GPR155: variants seen among roughly 807,000 people sequenced by gnomAD.
GPR155 encodes lysosomal cholesterol signaling protein.
GPR155 carries 65 observed loss-of-function variants against 93.1 expected under a neutral mutation model. That is an observed-to-expected ratio of 0.70 (90% CI 0.57 to 0.86). GPR155 has a LOEUF of 0.86. Ranked by LOEUF, GPR155 falls within the 40% of genes least tolerant of loss-of-function variation. The pLI, the probability that GPR155 is intolerant of heterozygous loss-of-function variation, is 0.00. For synonymous variants in GPR155, 319 were observed against 360.1 expected (o/e 0.89, Z 1.29); for missense variants, 838 against 1,034.8 (o/e 0.81, Z 2.61).
Position 174,468,968 on chromosome 2 carries a change from C to T in GPR155, c.1126G>A (p.Ala376Thr), listed in dbSNP as rs781044328. Residue 376 changes from alanine to threonine, a missense_variant, in exon 5 of 16, where the codon GCA becomes ACA. By Grantham distance (58) the Ala-to-Thr change is moderately conservative. Coordinates refer to ENST00000392552, the MANE Select transcript of GPR155 (RefSeq NM_152529.7). ...TFPTMDPKPL[A>T]YAIQNVSFDI... ...AAACTAACATTCTGGATGGCATATG[C>T]CAATGGCTTAGGGTCCATAGTGGGA... 2 of 1,613,858 alleles carry T rather than the reference C, an allele frequency of 1.2e-6. No homozygotes were observed. The highest frequency in any genetic ancestry group is 3.3e-5 in the Admixed American group (2 of 59,998).
chr2:174,467,107 A>G (rs1687859436), intron 5 of GPR155, among the ~76,000 whole-genome samples: 1 of 152,170 alleles, frequency 6.6e-6, no homozygotes, highest in South Asian at 2.1e-4. Flanking sequence ...CAGTGAGCCA[A>G]GATTGCACCA....
intron 9 of GPR155, 128 bp from the exon 10 acceptor site, chr2:174,460,216 A>G: frequency 3.4e-6 from 2 of 594,012 alleles, no homozygotes; most frequent in South Asian, 2.1e-5. Flanking sequence ...GCTGGAGTGC[A>G]GTGACACAAT....
chr2:174,432,751 C>G lies in GPR155; in HGVS notation c.*3365G>C, dbSNP rs914625110. 6.9e-6 allele frequency: 1 copy of G among 144,570 alleles called. No homozygotes were observed. Among genetic ancestry groups the G allele is most frequent in the Admixed American group, 7.3e-5 (1 of 13,668 alleles). The allele number at this position is 144,570 out of a possible 1,614,324, so 9.0% of individuals were successfully genotyped here. On this transcript the variant is annotated 3_prime_UTR_variant, in exon 16 of 16. Coordinates refer to ENST00000392552, the MANE Select transcript of GPR155 (RefSeq NM_152529.7). ...ATTTGTTATTAATAAATATACTAGG[C>G]TTCCATGCAGGTTTTTTTTTTTTTT... is the stretch of plus-strand genomic sequence containing the variant.
chr2:174,432,845 G>A lies in GPR155; in HGVS notation c.*3271C>T, dbSNP rs1296786852. 1 of 141,494 alleles carries A rather than the reference G, an allele frequency of 7.1e-6. No homozygotes were observed. The highest frequency in any genetic ancestry group is 2.6e-5 in the African/African-American group (1 of 37,952). 8.8% of individuals were successfully genotyped at this position (141,494 alleles called of 1,614,324 possible). A position where few individuals can be genotyped will look rare whatever the true frequency, so the allele number is the denominator to read the frequency against. On this transcript the variant is annotated 3_prime_UTR_variant, in exon 16 of 16. Coordinates refer to ENST00000392552, the MANE Select transcript of GPR155 (RefSeq NM_152529.7). ...GTGGCGCGATCTTGGTTCACTGCAA[G>A]CTCCGCCTTCCGGGTTCATGCCATT...
At chr2:174,470,301 T>TA (rs1265724804) in intron 4 of GPR155, 89 bp downstream of exon 4, 4 of 1,113,874 alleles carry the variant, frequency 3.6e-6, no homozygotes, top group Non-Finnish European at 5.0e-6. Flanking sequence ...TTTTCATTTT[T>TA]AAAAAAGAAT....
intron 13 of GPR155, 89 bp from the exon 14 acceptor site, chr2:174,442,272 T>G: frequency 1.3e-6 from 1 of 746,358 alleles, no homozygotes; most frequent in South Asian, 1.5e-5. Context: ...ATTTAGTGTT[T>G]GAGGAGACAA....
chr2:174,450,206 G>C (rs943537818), intron 11 of GPR155, among the ~76,000 whole-genome samples: 2 of 151,468 alleles, frequency 1.3e-5, no homozygotes, highest in Admixed American at 6.6e-5. Flanking sequence ...ATAATCCTAA[G>C]TGAATTAACA....
At chr2:174,438,662 C>G (rs1238713528) in intron 15 of GPR155, among the ~76,000 whole-genome samples, 1 of 152,094 alleles carries the variant, frequency 6.6e-6, no homozygotes, top group Non-Finnish European at 1.5e-5. Flanking sequence ...CGCCCGCCAA[C>G]ACACCCGGCT....
Position 174,480,857 on chromosome 2 carries a change from C to T in GPR155, c.460+640G>A, listed in dbSNP as rs1295419323. ...TAATATTGACCCACTGCAACCTCTG[C>T]CTCCTGGGCTCAAGCAATCCTCCTG... On this transcript the variant is annotated intron_variant, in intron 2 of 15. Transcript: ENST00000392552. 3.3e-5 allele frequency among the ~76,000 whole-genome samples: 5 copies of T among 152,188 alleles called. No individual in the cohort carries two copies. In the East Asian group the frequency reaches 9.6e-4, roughly 29 times the overall value.
chr2:174,442,284 C>G, intron 13 of GPR155, 101 bp from the exon 14 acceptor site: 1 of 680,004 alleles, frequency 1.5e-6, no homozygotes, highest in Non-Finnish European at 2.7e-6. Context: ...AGGAGACAAA[C>G]CTATAGTGAC....
chr2:174,437,172 A>G (rs750863572), intron 15 of GPR155, among the ~76,000 whole-genome samples: 7 of 152,230 alleles, frequency 4.6e-5, no homozygotes, highest in Non-Finnish European at 7.3e-5. Context: ...AAAAAATCCA[A>G]TTACACGAGT....
chr2:174,463,782 C>A (rs923354324), intron 7 of GPR155, among the ~76,000 whole-genome samples: 1 of 152,164 alleles, frequency 6.6e-6, no homozygotes, highest in African/African-American at 2.4e-5. Flanking sequence ...TGAATAGAAT[C>A]TGTGAATTTG....
rs1166093935 is a variant in GPR155, at chr2:174,432,684, C to G, written c.*3432G>C. Reference sequence around the variant, plus strand: ...AAACATCCCCATTCCCTAATCACAACTTAAAATTGGTATAGGTTAATAGTA... The same window carrying G: ...AAACATCCCCATTCCCTAATCACAAGTTAAAATTGGTATAGGTTAATAGTA... On this transcript the variant is annotated 3_prime_UTR_variant, in exon 16 of 16. Coordinates refer to ENST00000392552, the MANE Select transcript of GPR155 (RefSeq NM_152529.7). 2 of 151,142 alleles carry G rather than the reference C, an allele frequency of 1.3e-5. No individual in the cohort carries two copies. Among genetic ancestry groups the G allele is most frequent in the Non-Finnish European group, 2.9e-5 (2 of 67,930 alleles). The allele number at this position is 151,142 out of a possible 1,614,324, so 9.4% of individuals were successfully genotyped here.
At position 174,459,883 on chromosome 2, in the gene GPR155, T is replaced by G. The variant is rs1223493531; in HGVS notation, c.1766A>C (p.Glu589Ala). The change falls in exon 10 of 16, where the codon GAA (glutamate) becomes GCA (alanine). Residue 589 changes from glutamate (E) to alanine (A), a missense_variant. By Grantham distance (107) the Glu-to-Ala change is moderately radical (BLOSUM62 -1). Transcript: ENST00000392552. ...EPELFTSSIPETSCCSCSMGN... is the reference protein window; with the variant it reads ...EPELFTSSIPATSCCSCSMGN... ...TAAAATTAAAAAGATCATACTTGTT[T>G]CTGGAATAGAGCTTGTAAAAAGTTC... The G allele has an allele frequency of 6.3e-7, 1 of 1,599,998 alleles. No individual in the cohort carries two copies. Among genetic ancestry groups the G allele is most frequent in the Admixed American group, 1.7e-5 (1 of 59,752 alleles).
In GPR155 at chr2:174,433,896, T is replaced by A. The variant is rs1225953847; in HGVS notation, c.*2220A>T. The A allele has an allele frequency of 6.6e-6, 1 of 152,126 alleles. No individual in the cohort carries two copies. Among genetic ancestry groups the A allele is most frequent in the Non-Finnish European group, 1.5e-5 (1 of 68,030 alleles). The allele number at this position is 152,126 out of a possible 1,614,324, so 9.4% of individuals were successfully genotyped here. On this transcript the variant is annotated 3_prime_UTR_variant, in exon 16 of 16. Transcript: ENST00000392552. ...GAGAAAAGGCAACATTTAGTAATTT[T>A]AAAAATTATATATTTTTATACATGG...
intron 14 of GPR155, 128 bp downstream of exon 14, chr2:174,441,991 G>T: frequency 1.6e-6 from 1 of 632,356 alleles, no homozygotes; most frequent in Admixed American, 2.8e-5. Context: ...CAAGCAATCT[G>T]CCCACCCTGG....
intron 5 of GPR155, 110 bp from the exon 6 acceptor site, chr2:174,466,737 A>G (rs1687850082): frequency 1.6e-6 from 1 of 614,788 alleles, no homozygotes; most frequent in South Asian, 2.1e-5. Flanking sequence ...CCTGGTTCGG[A>G]AAGAATTTCC....
chr2:174,445,265 T>G (rs1322603402), intron 12 of GPR155, 89 bp from the exon 13 acceptor site: 6 of 667,812 alleles, frequency 9.0e-6, no homozygotes, highest in Non-Finnish European at 1.6e-5. Context: ...CTTACCTACT[T>G]AATAATTACA....
At chr2:174,452,045 G>A (rs1320351810) in intron 11 of GPR155, among the ~76,000 whole-genome samples, 1 of 152,152 alleles carries the variant, frequency 6.6e-6, no homozygotes, top group Admixed American at 6.5e-5. Flanking sequence ...ATTACATGTT[G>A]AATTTGTTAA....
Sources: allele counts gnomAD v4.1 joint callset (sites outside exome capture counted in the v4.1 genomes callset), GRCh38; gene constraint gnomAD v4.1.1; transcripts MANE v1.5; gene names NCBI Gene and HGNC (gene_info 2026-07-23, HGNC 2026-07-21).